TSPAN5: variants seen among roughly 807,000 people sequenced by gnomAD.
TSPAN5 encodes tetraspanin 5.
Under a neutral mutation model 37.1 loss-of-function variants are expected in TSPAN5, and 10 were observed. The ratio of observed to expected loss-of-function variants is 0.27; its 90% confidence interval spans 0.17 to 0.46. TSPAN5 has a LOEUF of 0.46. TSPAN5 is among the 20% of genes least tolerant of loss of function. The pLI, the probability that TSPAN5 is intolerant of heterozygous loss-of-function variation, is 1.00. For missense variants in TSPAN5, 195 were observed against 326.6 expected (o/e 0.60, Z 3.11); for synonymous variants, 110 against 118.9 (o/e 0.93, Z 0.48).
chr4:98,477,470 G>C (rs1171237694), intron 5 of TSPAN5, among the ~76,000 whole-genome samples: 1 of 152,126 alleles, frequency 6.6e-6, no homozygotes, highest in Non-Finnish European at 1.5e-5. Context: ...ATAAGAAGGA[G>C]CATCCCCACT....
intron 1 of TSPAN5, among the ~76,000 whole-genome samples, chr4:98,579,391 C>T (rs1259635653): frequency 6.6e-6 from 1 of 152,140 alleles, no homozygotes; most frequent in East Asian, 1.9e-4. Flanking sequence ...CTGTACTATT[C>T]TTTTAGGTGG....
At chr4:98,477,985 A>G (rs969786046) in intron 5 of TSPAN5, among the ~76,000 whole-genome samples, 8 of 152,176 alleles carry the variant, frequency 5.3e-5, no homozygotes, top group Non-Finnish European at 8.8e-5. Flanking sequence ...AAGTCATTCT[A>G]TATACCAGGC....
intron 1 of TSPAN5, among the ~76,000 whole-genome samples, chr4:98,564,392 C>T (rs73832354): frequency 0.13 from 19,065 of 152,206 alleles, 1,365 homozygotes; most frequent in South Asian, 0.24. Flanking sequence ...AATAAAAACA[C>T]TTCTTGATTA....
chr4:98,543,455 G>A (rs995367876), intron 1 of TSPAN5, among the ~76,000 whole-genome samples: 4 of 146,140 alleles, frequency 2.7e-5, no homozygotes, highest in East Asian at 2.0e-4. Flanking sequence ...TCCCTCTGTC[G>A]CCCAGACTAG....
intron 1 of TSPAN5, among the ~76,000 whole-genome samples, chr4:98,644,885 C>T (rs1030994826): frequency 2.0e-5 from 3 of 152,200 alleles, no homozygotes. Context: ...CTCCCACACT[C>T]TCAACAGAAA....
At chr4:98,553,665 G>C (rs1754670051) in intron 1 of TSPAN5, among the ~76,000 whole-genome samples, 1 of 152,074 alleles carries the variant, frequency 6.6e-6, no homozygotes, top group South Asian at 2.1e-4. Context: ...ATGTTTCTTA[G>C]GATCACCAGA....
rs374707934 is a variant in TSPAN5, at chr4:98,486,136, C to T, written c.279+602G>A. ...TTTCACTTTTCATTCTCTATTTTAA[C>T]TTTAAATACCAGTGAACCCCCTGGT... On this transcript the variant is annotated intron_variant, in intron 3 of 7. Transcript: ENST00000305798. 1.1e-3 allele frequency among the ~76,000 whole-genome samples: 166 copies of T among 152,308 alleles called. 1 individual carries two copies. The highest frequency in any genetic ancestry group is 3.9e-3 in the African/African-American group (161 of 41,560).
intron 1 of TSPAN5, among the ~76,000 whole-genome samples, chr4:98,650,298 C>T (rs759648856): frequency 6.6e-6 from 1 of 151,964 alleles, no homozygotes; most frequent in Non-Finnish European, 1.5e-5. Flanking sequence ...TTTACAAAAA[C>T]GTAGGAAGAG....
At chr4:98,507,652 G>A in intron 2 of TSPAN5, 26 bp downstream of exon 2, 2 of 1,584,420 alleles carry the variant, frequency 1.3e-6, no homozygotes, top group Non-Finnish European at 1.7e-6. Context: ...ACCACGATGT[G>A]TGCATTGTCA....
chr4:98,482,436 GGAT>G (rs1752861547), intron 3 of TSPAN5: 1 of 282,016 alleles, frequency 3.5e-6, no homozygotes, highest in South Asian at 7.0e-5. Flanking sequence ...AAGCAAACAT[GGAT>G]AATAAGGATT....
intron 4 of TSPAN5, 50 bp downstream of exon 4, chr4:98,481,955 G>C: frequency 6.3e-7 from 1 of 1,585,540 alleles, no homozygotes; most frequent in Non-Finnish European, 8.6e-7. Flanking sequence ...ATTCACTGGG[G>C]TCATCGTTCA....
At chr4:98,484,603 A>G (rs1183044027) in intron 3 of TSPAN5, 1 of 454,798 alleles carries the variant, frequency 2.2e-6, no homozygotes, top group East Asian at 6.9e-5. Flanking sequence ...CTTCAACTGT[A>G]AGAAATGATA....
At chr4:98,649,893 G>C (rs946986829) in intron 1 of TSPAN5, among the ~76,000 whole-genome samples, 4 of 152,152 alleles carry the variant, frequency 2.6e-5, no homozygotes, top group Non-Finnish European at 4.4e-5. Context: ...GCAGAGCACC[G>C]TGACCAGGGC....
chr4:98,656,779 G>A (rs571994804), intron 1 of TSPAN5, among the ~76,000 whole-genome samples: 2 of 152,040 alleles, frequency 1.3e-5, no homozygotes, highest in Non-Finnish European at 2.9e-5. Context: ...AAACATACAT[G>A]ACCAATGCAA....
intron 1 of TSPAN5, among the ~76,000 whole-genome samples, chr4:98,585,186 T>C (rs1057286601): frequency 1.2e-4 from 19 of 152,196 alleles, no homozygotes; most frequent in Non-Finnish European, 1.8e-4. Flanking sequence ...TGTGCATATA[T>C]TGCATAGCAA....
chr4:98,554,423 A>T (rs1004770098), intron 1 of TSPAN5, among the ~76,000 whole-genome samples: 2 of 152,216 alleles, frequency 1.3e-5, no homozygotes, highest in Non-Finnish European at 2.9e-5. Context: ...CATTATGGAG[A>T]AAGCTTATTA....
At chr4:98,576,174 T>TAA (rs897367769) in intron 1 of TSPAN5, among the ~76,000 whole-genome samples, 75 of 150,306 alleles carry the variant, frequency 5.0e-4, no homozygotes, top group African/African-American at 1.7e-3. Context: ...ACAAGAAAAT[T>TAA]AAAAAAAAAA....
chr4:98,503,450 C>T (rs1362368642), intron 2 of TSPAN5, among the ~76,000 whole-genome samples: 1 of 152,050 alleles, frequency 6.6e-6, no homozygotes, highest in Non-Finnish European at 1.5e-5. Context: ...CAGAAGGAAC[C>T]AGGCCCTCAC....
chr4:98,571,781 G>A (rs966284931), intron 1 of TSPAN5, among the ~76,000 whole-genome samples: 3 of 152,038 alleles, frequency 2.0e-5, no homozygotes, highest in African/African-American at 7.2e-5. Flanking sequence ...AAGGACCCAG[G>A]GCAGTGACCA....
Sources: allele counts gnomAD v4.1 joint callset (sites outside exome capture counted in the v4.1 genomes callset), GRCh38; gene constraint gnomAD v4.1.1; transcripts MANE v1.5; gene names NCBI Gene and HGNC (gene_info 2026-07-23, HGNC 2026-07-21).